The following C11orf21 variants were observed in gnomAD, a reference collection of about 807,000 sequenced individuals.
The protein encoded by C11orf21 is uncharacterized protein C11orf21.
A neutral mutation model predicts 15.2 loss-of-function variants in C11orf21; 19 were observed. That is an observed-to-expected ratio of 1.25 (90% CI 0.87 to 1.84). The LOEUF (loss-of-function observed/expected upper bound fraction) is 1.84, where lower values mean the gene tolerates loss of function less well. C11orf21 is among the 40% of genes most tolerant of loss of function. The pLI is 0.00. For missense variants in C11orf21, 171 were observed against 174.4 expected (o/e 0.98, Z 0.11); for synonymous variants, 62 against 66.8 (o/e 0.93, Z 0.35).
chr11:2,301,844 C>CA lies in C11orf21; in HGVS notation c.-37dup. On this transcript the variant is annotated 5_prime_UTR_variant, in exon 1 of 4. Transcript: ENST00000381153. ...CTCTCAGCGCCGTCCTCAGTGGCCA[C>CA]ACCAAGAACGAGGCCATGTCTTCCT... 1 of 1,550,694 alleles carries CA rather than the reference C, an allele frequency of 6.4e-7. No individual in the cohort carries two copies. The highest frequency in any genetic ancestry group is 8.7e-7 in the Non-Finnish European group (1 of 1,146,952).
intron 1 of C11orf21, chr11:2,301,157 G>A (rs1219205443): frequency 2.3e-5 from 6 of 265,836 alleles, no homozygotes; most frequent in East Asian, 1.1e-4. Flanking sequence ...CTGAGCGGGC[G>A]GCAGCTGGGC....
At chr11:2,298,219 G>T (rs1376257606) in intron 3 of C11orf21, among the ~76,000 whole-genome samples, 1 of 152,184 alleles carries the variant, frequency 6.6e-6, no homozygotes, top group Admixed American at 6.5e-5. Flanking sequence ...CCCTCCCAAG[G>T]GTCCCTGCAC....
At chr11:2,301,057 G>A (rs1006044399) in intron 1 of C11orf21, 20 of 427,694 alleles carry the variant, frequency 4.7e-5, no homozygotes, top group South Asian at 3.5e-4. Flanking sequence ...TGGGCTGGAC[G>A]GGGGTCCTGG....
At chr11:2,299,374 C>A (rs1275640975) in intron 3 of C11orf21, 54 bp downstream of exon 3, 6 of 1,508,774 alleles carry the variant, frequency 4.0e-6, no homozygotes, top group South Asian at 1.3e-5. Context: ...AGGGGCCGCG[C>A]TCACAGACAG....
At chr11:2,302,746 G>A (rs1184828648), upstream of C11orf21, 9 of 949,160 alleles carry the variant, frequency 9.5e-6, no homozygotes, top group South Asian at 4.5e-5. Flanking sequence ...TCACGGGACC[G>A]GGAAGCTGGA....
At chr11:2,301,727 C>G in intron 1 of C11orf21, 29 bp downstream of exon 1, 7 of 1,535,032 alleles carry the variant, frequency 4.6e-6, no homozygotes, top group Non-Finnish European at 5.3e-6. Flanking sequence ...CCAGTCCACA[C>G]TTGCTCACTC....
intron 2 of C11orf21, among the ~76,000 whole-genome samples, 200 bp downstream of exon 2, chr11:2,300,301 TGGGGTGGGCAGCGGTGTGC>T (rs1195071584): frequency 2.0e-4 from 4 of 19,636 alleles, no homozygotes; most frequent in African/African-American, 7.8e-4. Flanking sequence ...CAGGGATGTG[TGGGGTGGGCAGCGGTGTGC>T]GGGGTGGGCA....
chr11:2,299,742 CACCTGGG>C, intron 2 of C11orf21, 35 bp from the exon 3 acceptor site: 2 of 1,546,248 alleles, frequency 1.3e-6, no homozygotes, highest in Non-Finnish European at 1.7e-6. Context: ...TGAGCGGGCG[CACCTGGG>C]ACCCAGGAAT....
Position 2,299,723 on chromosome 11 carries a change from A to G in C11orf21, c.148-16T>C. ...CAGGGGCCTCCTGGTGGGTAAGGAC[A>G]TTGTAGAGTGAGCGGGCGCACCTGG... is the stretch of plus-strand genomic sequence containing the variant. On this transcript the variant is annotated splice_polypyrimidine_tract_variant and intron_variant, in intron 2 of 3. Coordinates refer to ENST00000381153, the MANE Select transcript of C11orf21 (RefSeq NM_001329958.2). 2 of 1,549,618 alleles carry G rather than the reference A, an allele frequency of 1.3e-6. No individual in the cohort carries two copies. The highest frequency in any genetic ancestry group is 1.7e-6 in the Non-Finnish European group (2 of 1,145,866).
At chr11:2,302,245 G>T (rs1193216212), upstream of C11orf21, 1 of 1,379,120 alleles carries the variant, frequency 7.3e-7, no homozygotes, top group African/African-American at 1.5e-5. Context: ...GGAGTGGGTG[G>T]TGGGTGGGGG....
At position 2,301,754 on chromosome 11, in the gene C11orf21, ACCT is replaced by A. The variant is rs1229138453; in HGVS notation, c.52_53+1del. On this transcript the variant is annotated splice_donor_variant and coding_sequence_variant, in exon 1 of 4. Coordinates refer to ENST00000381153, the MANE Select transcript of C11orf21 (RefSeq NM_001329958.2). LOFTEE classifies it high-confidence loss of function. ...TGCTCACTCCCAGGACGGGGAGCTC[ACCT>A]CCTCCTCCCCGGGCGCCGTCTCCTC... 2 of 1,532,486 alleles carry A rather than the reference ACCT, an allele frequency of 1.3e-6. No homozygotes were observed. Among genetic ancestry groups the A allele is most frequent in the Non-Finnish European group, 1.8e-6 (2 of 1,132,716 alleles). 94.9% of individuals were successfully genotyped at this position (1,532,486 alleles called of 1,614,324 possible).
intron 3 of C11orf21, among the ~76,000 whole-genome samples, chr11:2,298,517 G>A (rs1245797241): frequency 1.1e-4 from 16 of 152,208 alleles, no homozygotes; most frequent in Admixed American, 1.0e-3. Flanking sequence ...GGTCCGATGT[G>A]CATTTTTCTG....
chr11:2,298,575 C>G lies in C11orf21; in HGVS notation c.*29-654G>C, dbSNP rs1272597792. Among the ~76,000 whole-genome samples the G allele has an allele frequency of 3.9e-5, 6 of 151,916 alleles. No homozygotes were observed. In the East Asian group the frequency reaches 1.2e-3, roughly 29 times the overall value. ...CCAGTCCTGCCCAGGCCCGGGGGGTCACTCTGAAGGCATCTGGCTCTTACC... is the reference window on the plus strand; with the variant it reads ...CCAGTCCTGCCCAGGCCCGGGGGGTGACTCTGAAGGCATCTGGCTCTTACC... On this transcript the variant is annotated intron_variant, in intron 3 of 3. Transcript: ENST00000381153.
chr11:2,302,132 G>T, upstream of C11orf21: 1 of 1,479,008 alleles, frequency 6.8e-7, no homozygotes. Flanking sequence ...GGGAGGAGAG[G>T]AGAGGAGAGG....
chr11:2,296,764 C>T lies in C11orf21; in HGVS notation c.*1186G>A, dbSNP rs1018076283. The T allele has an allele frequency of 2.6e-5, 4 of 152,428 alleles. No individual in the cohort carries two copies. In the East Asian group the frequency reaches 7.7e-4, roughly 29 times the overall value. 9.4% of individuals were successfully genotyped at this position (152,428 alleles called of 1,614,324 possible). A position where few individuals can be genotyped will look rare whatever the true frequency, so the allele number is the denominator to read the frequency against. On this transcript the variant is annotated 3_prime_UTR_variant, in exon 4 of 4. Coordinates refer to ENST00000381153, the MANE Select transcript of C11orf21 (RefSeq NM_001329958.2). The surrounding 1 kb of genome is among the most constrained non-coding windows in gnomAD (Gnocchi z 5.6). ...AATCACTGCCGGTGCCAGTTGCCAT[C>T]TCAGCCACAGGCCCGGGGCCTCGTG...
At chr11:2,299,738 G>C in intron 2 of C11orf21, 31 bp from the exon 3 acceptor site, 1 of 1,547,806 alleles carries the variant, frequency 6.5e-7, no homozygotes, top group South Asian at 1.2e-5. Flanking sequence ...AGAGTGAGCG[G>C]GCGCACCTGG....
upstream of C11orf21, among the ~76,000 whole-genome samples, chr11:2,302,399 G>A (rs1847807936): frequency 6.6e-6 from 1 of 152,216 alleles, no homozygotes; most frequent in Non-Finnish European, 1.5e-5. Context: ...GGACCACCAT[G>A]AGCAACCCCG....
At chr11:2,302,836 A>G (rs752287510), upstream of C11orf21, 44 of 1,611,888 alleles carry the variant, frequency 2.7e-5, no homozygotes, top group Non-Finnish European at 3.6e-5. Context: ...AGTCTGCCCT[A>G]TCCACAGCTG....
rs758780594 is a variant in C11orf21, at chr11:2,299,664, G to A, written c.191C>T (p.Ser64Phe). The A allele has an allele frequency of 4.5e-6, 7 of 1,551,078 alleles. No homozygotes were observed. In the East Asian group the frequency reaches 1.5e-4, roughly 32 times the overall value. Residue 64 changes from serine to phenylalanine, a missense_variant, in exon 3 of 4, where the codon TCC becomes TTC. Transcript: ENST00000381153. ...SMMPPAAAQP[S>F]AHGALVPPAT... ...AGGTGGAACAAGGGCACCATGGGCGGAGGGTTGGGCAGCTGCAGGTGGCAT... is the reference window on the plus strand; with the variant it reads ...AGGTGGAACAAGGGCACCATGGGCGAAGGGTTGGGCAGCTGCAGGTGGCAT...
Sources: allele counts gnomAD v4.1 joint callset (sites outside exome capture counted in the v4.1 genomes callset), GRCh38; gene constraint gnomAD v4.1.1; non-coding constraint Gnocchi (gnomAD v3.1); transcripts MANE v1.5; gene names NCBI Gene and HGNC (gene_info 2026-07-23, HGNC 2026-07-21).